Variants in SLC12A1 observed in about 807,000 individuals in gnomAD.
SLC12A1 encodes solute carrier family 12 member 1, also known as Na-K-2Cl cotransporter.
SLC12A1 carries 89 observed loss-of-function variants against 130.4 expected under a neutral mutation model. The ratio of observed to expected loss-of-function variants is 0.68; its 90% CI spans 0.58 to 0.81. SLC12A1 has a LOEUF of 0.81. SLC12A1 is among the 40% of genes least tolerant of loss of function. SLC12A1 has a pLI of 0.00. For missense variants in SLC12A1, 1,310 were observed against 1,336.4 expected (o/e 0.98, Z 0.31); for synonymous variants, 499 against 460.0 (o/e 1.08, Z -1.09).
At chr15:48,240,072 CATAT>C (rs1431987341) in intron 9 of SLC12A1, among the ~76,000 whole-genome samples, 1,100 of 52,092 alleles carry the variant, frequency 0.021, 113 homozygotes, top group Admixed American at 0.068. Flanking sequence ...TATATATATC[CATAT>C]ATATATATAT....
At chr15:48,214,929 A>G (rs1362268620) in intron 2 of SLC12A1, among the ~76,000 whole-genome samples, 1 of 152,134 alleles carries the variant, frequency 6.6e-6, no homozygotes, top group Non-Finnish European at 1.5e-5. Flanking sequence ...CTAGGTGTGA[A>G]TATTTATGGA....
At chr15:48,217,061 A>G (rs1023376873) in intron 2 of SLC12A1, among the ~76,000 whole-genome samples, 1 of 152,236 alleles carries the variant, frequency 6.6e-6, no homozygotes, top group Non-Finnish European at 1.5e-5. Flanking sequence ...TATTAAAAAC[A>G]GAATGTAAAA....
At chr15:48,208,469 C>T (rs987293753) in intron 2 of SLC12A1, among the ~76,000 whole-genome samples, 1 of 152,046 alleles carries the variant, frequency 6.6e-6, no homozygotes. Context: ...TGCACCACCA[C>T]ACCTGACTAA....
chr15:48,228,665 T>C (rs1211682042), intron 5 of SLC12A1: 1 of 231,116 alleles, frequency 4.3e-6, no homozygotes, highest in Non-Finnish European at 9.1e-6. Flanking sequence ...AATACAGATA[T>C]CTTATTTTAT....
At position 48,220,919 on chromosome 15, in the gene SLC12A1, A is replaced by C; in HGVS notation, c.553-2A>C. ...TCCTTTCAATACCGCTTCTATCCAC[A>C]GGTAAGATGCATGCTGAACATCTGG... On this transcript the variant is annotated splice_acceptor_variant, in intron 3 of 26. Transcript: ENST00000380993. LOFTEE classifies it high-confidence loss of function. The C allele has an allele frequency of 6.2e-7, 1 of 1,613,860 alleles. No homozygotes were observed. Among genetic ancestry groups the C allele is most frequent in the Non-Finnish European group, 8.5e-7 (1 of 1,179,732 alleles).
Position 48,220,916 on chromosome 15 carries a change from C to T in SLC12A1, c.553-5C>T, listed in dbSNP as rs1360460775. The T allele has an allele frequency of 1.9e-6, 3 of 1,613,754 alleles. No homozygotes were observed. The highest frequency in any genetic ancestry group is 2.7e-5 in the African/African-American group (2 of 74,916). Reference sequence around the variant, plus strand: ...GTCTCCTTTCAATACCGCTTCTATCCACAGGTAAGATGCATGCTGAACATC... The same window carrying T: ...GTCTCCTTTCAATACCGCTTCTATCTACAGGTAAGATGCATGCTGAACATC... On this transcript the variant is annotated splice_polypyrimidine_tract_variant and splice_region_variant and intron_variant, in intron 3 of 26. Transcript: ENST00000380993.
chr15:48,269,794 G>T (rs1344119058), intron 19 of SLC12A1, 30 bp downstream of exon 19: 13 of 1,265,070 alleles, frequency 1.0e-5, no homozygotes, highest in Non-Finnish European at 1.3e-5. Context: ...ACGTGTTCTT[G>T]TTTATAAAGC....
At chr15:48,235,665 T>G (rs1399371093) in intron 9 of SLC12A1, among the ~76,000 whole-genome samples, 1 of 151,914 alleles carries the variant, frequency 6.6e-6, no homozygotes, top group African/African-American at 2.4e-5. Context: ...ATAAATAAAA[T>G]GTATGTATAT....
chr15:48,250,737 A>G (rs989739779), intron 14 of SLC12A1, among the ~76,000 whole-genome samples: 2 of 146,748 alleles, frequency 1.4e-5, no homozygotes, highest in Non-Finnish European at 3.0e-5. Context: ...GAGAAAAATA[A>G]GACTATTTTC....
At chr15:48,294,160 C>A (rs1229177346) in intron 24 of SLC12A1, among the ~76,000 whole-genome samples, 1 of 151,752 alleles carries the variant, frequency 6.6e-6, no homozygotes, top group Non-Finnish European at 1.5e-5. Context: ...ATCAGCCTGA[C>A]CAACACGGTG....
chr15:48,295,647 A>T (rs532671553), intron 24 of SLC12A1, among the ~76,000 whole-genome samples: 1 of 152,298 alleles, frequency 6.6e-6, no homozygotes, highest in South Asian at 2.1e-4. Context: ...TTAGTTTTCA[A>T]AATTTTGGAG....
chr15:48,217,365 G>C (rs549044046), intron 2 of SLC12A1, among the ~76,000 whole-genome samples: 1 of 152,172 alleles, frequency 6.6e-6, no homozygotes, highest in Admixed American at 6.5e-5. Flanking sequence ...ATTTATAGCT[G>C]GTATAGATGA....
At position 48,302,924 on chromosome 15, in the gene SLC12A1, G is replaced by A; in HGVS notation, c.*39G>A. 2 of 1,438,058 alleles carry A rather than the reference G, an allele frequency of 1.4e-6. No homozygotes were observed. The highest frequency in any genetic ancestry group is 4.6e-5 in the East Asian group (2 of 43,418). The allele number at this position is 1,438,058 out of a possible 1,614,324, so 89.1% of individuals were successfully genotyped here. On this transcript the variant is annotated 3_prime_UTR_variant, in exon 27 of 27. Coordinates refer to ENST00000380993, the MANE Select transcript of SLC12A1 (RefSeq NM_000338.3). ...GGAATACATTTTAACTTAATGTAAT[G>A]CATAATTAAGAAACATGTTCCAGTA... is the stretch of plus-strand genomic sequence containing the variant.
At chr15:48,209,363 G>A (rs571154137) in intron 2 of SLC12A1, among the ~76,000 whole-genome samples, 5 of 152,094 alleles carry the variant, frequency 3.3e-5, no homozygotes, top group Admixed American at 2.6e-4. Flanking sequence ...CACCATGCCC[G>A]GCCTCCAATC....
At chr15:48,302,672 T>C in intron 26 of SLC12A1, 78 bp from the exon 27 acceptor site, 1 of 741,034 alleles carries the variant, frequency 1.3e-6, no homozygotes, top group East Asian at 3.2e-5. Context: ...AGTTATTAAA[T>C]AGCTCAGAAA....
In SLC12A1 at chr15:48,234,953, C is replaced by T; in HGVS notation, c.1164C>T (p.Phe388=). Residue 388 remains phenylalanine, a synonymous_variant, in exon 9 of 27, where the codon TTC becomes TTT. Coordinates refer to ENST00000380993, the MANE Select transcript of SLC12A1 (RefSeq NM_000338.3). ...TCTTCTCTGTCTTTGCCATTTTTTT[C>T]CCAGCAGCTACTGGGATTCTTGCTG... ...EGFFSVFAIF[F]PAATGILAGA... 1.2e-6 allele frequency: 2 copies of T among 1,613,786 alleles called. No homozygotes were observed. Among genetic ancestry groups the T allele is most frequent in the Non-Finnish European group, 8.5e-7 (1 of 1,179,810 alleles).
chr15:48,272,835 C>A (rs1413805566), intron 19 of SLC12A1, among the ~76,000 whole-genome samples: 3 of 152,088 alleles, frequency 2.0e-5, no homozygotes, highest in African/African-American at 7.2e-5. Context: ...AGGCTGGGCG[C>A]AGTGGCTCAT....
At chr15:48,302,360 C>T (rs1208569154) in intron 26 of SLC12A1, among the ~76,000 whole-genome samples, 1 of 151,958 alleles carries the variant, frequency 6.6e-6, no homozygotes, top group Non-Finnish European at 1.5e-5. Context: ...GTGGCTCACG[C>T]CTGCAATCCC....
At chr15:48,280,545 A>G (rs1160998242) in intron 20 of SLC12A1, among the ~76,000 whole-genome samples, 1 of 152,060 alleles carries the variant, frequency 6.6e-6, no homozygotes, top group Non-Finnish European at 1.5e-5. Flanking sequence ...CTCGATCTCT[A>G]TCTATCTATC....
Sources: allele counts gnomAD v4.1 joint callset (sites outside exome capture counted in the v4.1 genomes callset), GRCh38; gene constraint gnomAD v4.1.1; transcripts MANE v1.5; gene names NCBI Gene and HGNC (gene_info 2026-07-23, HGNC 2026-07-21).